NOL4: variants seen among roughly 807,000 people sequenced by gnomAD.
NOL4 encodes the protein cancer/testis antigen 125.
A neutral mutation model predicts 75.9 loss-of-function variants in NOL4; 17 were observed. The ratio of observed to expected loss-of-function variants is 0.22; its 90% CI spans 0.15 to 0.34. The LOEUF (loss-of-function observed/expected upper bound fraction) is 0.34. Among genes scored for constraint, NOL4 ranks in the 10% least tolerant of loss-of-function variants. The probability of loss-of-function intolerance (pLI) is 1.00; values close to 1 mark genes in which losing one functional copy is unlikely to be tolerated. For synonymous variants in NOL4, 292 were observed against 289.9 expected (o/e 1.01, Z -0.07); for missense variants, 614 against 793.5 (o/e 0.77, Z 2.72).
intron 9 of NOL4, among the ~76,000 whole-genome samples, chr18:33,938,449 T>C (rs2068217872): frequency 6.6e-6 from 1 of 152,164 alleles, no homozygotes; most frequent in Non-Finnish European, 1.5e-5. Flanking sequence ...ATCTGTTGTT[T>C]CCTGACTTTT....
At chr18:34,140,321 T>C (rs1303775834) in intron 1 of NOL4, among the ~76,000 whole-genome samples, 1 of 152,192 alleles carries the variant, frequency 6.6e-6, no homozygotes, top group Non-Finnish European at 1.5e-5. Flanking sequence ...TCTCAGTCTC[T>C]TTGTATGTCT....
Position 33,889,013 on chromosome 18 carries a change from A to C in NOL4, c.1543-5589T>G, listed in dbSNP as rs1316696374. On this transcript the variant is annotated intron_variant, in intron 9 of 10. Transcript: ENST00000261592. ...AGCTAGCAGAAGGCAAGAAATAACTAAGATCAGAGCAGAAATGAAGGAGAT... is the reference window on the plus strand; with the variant it reads ...AGCTAGCAGAAGGCAAGAAATAACTCAGATCAGAGCAGAAATGAAGGAGAT... Among the ~76,000 whole-genome samples, 8 of 152,286 alleles carry C rather than the reference A, an allele frequency of 5.3e-5. No homozygotes were observed. The South Asian group carries it at 1.7e-3, about 32-fold the overall frequency.
intron 5 of NOL4, among the ~76,000 whole-genome samples, chr18:34,074,259 A>G (rs962887435): frequency 6.6e-6 from 1 of 151,722 alleles, no homozygotes; most frequent in Non-Finnish European, 1.5e-5. Flanking sequence ...TAAATTATTT[A>G]TATGCATTAT....
At chr18:34,093,746 T>C in intron 4 of NOL4, 149 bp from the exon 5 acceptor site, 1 of 603,238 alleles carries the variant, frequency 1.7e-6, no homozygotes, top group Non-Finnish European at 2.6e-6. Flanking sequence ...ATGTTTAAAA[T>C]AGCAAACAAT....
chr18:33,903,773 C>T (rs1458805312), intron 9 of NOL4, among the ~76,000 whole-genome samples: 1 of 152,102 alleles, frequency 6.6e-6, no homozygotes, highest in Non-Finnish European at 1.5e-5. Flanking sequence ...TGCTTGAAAC[C>T]TTGCTAATAC....
rs556406705 is a variant in NOL4 at position 34,200,157 on chromosome 18, A to G, written c.264+22833T>C. Among the ~76,000 whole-genome samples, 12 of 151,922 alleles carry G rather than the reference A, an allele frequency of 7.9e-5. No individual in the cohort carries two copies. In the South Asian group the frequency reaches 2.5e-3, roughly 31 times the overall value. On this transcript the variant is annotated intron_variant, in intron 1 of 10. Coordinates refer to ENST00000261592, the MANE Select transcript of NOL4 (RefSeq NM_003787.5). ...TTTATTGGAGAAGAAAACTACTACT[A>G]TGAGGAAAAGCTCATTAGAAACTTC...
intron 10 of NOL4, among the ~76,000 whole-genome samples, chr18:33,856,905 T>C (rs2062862629): frequency 6.6e-6 from 1 of 152,078 alleles, no homozygotes; most frequent in South Asian, 2.1e-4. Flanking sequence ...TTAATTGAGC[T>C]TCACCGTTAG....
chr18:33,956,086 A>G (rs1482607023), intron 8 of NOL4, among the ~76,000 whole-genome samples: 1 of 152,118 alleles, frequency 6.6e-6, no homozygotes, highest in Non-Finnish European at 1.5e-5. Flanking sequence ...GAGATGCCCT[A>G]CCTTGTTCAT....
chr18:33,981,294 T>TAA (rs151122938), intron 6 of NOL4, among the ~76,000 whole-genome samples: 114 of 147,814 alleles, frequency 7.7e-4, no homozygotes, highest in African/African-American at 2.0e-3. Flanking sequence ...TGACTGAAAT[T>TAA]AAAAAAAAAA....
chr18:33,948,297 T>C (rs1181925016), intron 8 of NOL4, among the ~76,000 whole-genome samples: 1 of 151,928 alleles, frequency 6.6e-6, no homozygotes, highest in African/African-American at 2.4e-5. Flanking sequence ...AGATTATTCC[T>C]CCTAAACTTG....
intron 5 of NOL4, among the ~76,000 whole-genome samples, chr18:34,071,438 G>GACACAC (rs61428886): frequency 0.12 from 17,783 of 147,542 alleles, 1,409 homozygotes; most frequent in East Asian, 0.39. Flanking sequence ...CAGACAGACA[G>GACACAC]ACACACACAC....
intron 6 of NOL4, among the ~76,000 whole-genome samples, chr18:34,013,054 T>G (rs2074465761): frequency 6.6e-6 from 1 of 151,990 alleles, no homozygotes; most frequent in Non-Finnish European, 1.5e-5. Context: ...AGAGTTTATT[T>G]CCTTTTGTTT....
At chr18:34,015,903 G>T (rs893710239) in intron 6 of NOL4, among the ~76,000 whole-genome samples, 5 of 152,070 alleles carry the variant, frequency 3.3e-5, no homozygotes, top group Non-Finnish European at 7.4e-5. Context: ...TCTATGCTTT[G>T]CTTTCCATAT....
chr18:34,139,509 G>T (rs1392157004), intron 1 of NOL4, among the ~76,000 whole-genome samples: 1 of 152,024 alleles, frequency 6.6e-6, no homozygotes, highest in Admixed American at 6.6e-5. Context: ...TATTTCTGTG[G>T]GATCAGTGGT....
chr18:33,895,560 G>A (rs1381527502), intron 9 of NOL4, among the ~76,000 whole-genome samples: 1 of 152,006 alleles, frequency 6.6e-6, no homozygotes, highest in African/African-American at 2.4e-5. Flanking sequence ...GGTTTTATAT[G>A]TGTATCATAG....
chr18:34,112,673 T>C (rs2079651831), intron 2 of NOL4, among the ~76,000 whole-genome samples: 1 of 151,792 alleles, frequency 6.6e-6, no homozygotes, highest in Non-Finnish European at 1.5e-5. Flanking sequence ...AAGCTGAGAG[T>C]AGAATACAAT....
chr18:34,212,023 T>C (rs114993226), intron 1 of NOL4, among the ~76,000 whole-genome samples: 1 of 152,244 alleles, frequency 6.6e-6, no homozygotes, highest in African/African-American at 2.4e-5. Context: ...TCTTGTAAGT[T>C]TTCAAAAATC....
At chr18:33,988,937 C>T (rs757290450) in intron 6 of NOL4, among the ~76,000 whole-genome samples, 3 of 151,720 alleles carry the variant, frequency 2.0e-5, no homozygotes, top group Non-Finnish European at 4.4e-5. Context: ...GTGGCTCATG[C>T]CTATAATCAC....
chr18:34,048,327 G>T, intron 5 of NOL4: 2 of 463,374 alleles, frequency 4.3e-6, no homozygotes, highest in Non-Finnish European at 5.7e-6. Context: ...GGAAAACATT[G>T]GCATTTATCA....
Sources: allele counts gnomAD v4.1 joint callset (sites outside exome capture counted in the v4.1 genomes callset), GRCh38; gene constraint gnomAD v4.1.1; transcripts MANE v1.5; gene names NCBI Gene and HGNC (gene_info 2026-07-23, HGNC 2026-07-21).